The following ACBD6 variants were observed in gnomAD, a reference collection of about 807,000 sequenced individuals.
ACBD6 encodes the protein acyl-CoA binding domain containing 6, also known as acyl-CoA-binding domain-containing protein 6.
Under a neutral mutation model 37.2 loss-of-function variants are expected in ACBD6, and 28 were observed. That is an observed-to-expected ratio of 0.75 (90% CI 0.56 to 1.03). The LOEUF is 1.03. ACBD6 is among the 50% of genes least tolerant of loss of function. ACBD6 has a pLI of 0.00. For synonymous variants in ACBD6, 113 were observed against 126.8 expected (o/e 0.89, Z 0.73); for missense variants, 340 against 337.4 (o/e 1.01, Z -0.06).
intron 5 of ACBD6, among the ~76,000 whole-genome samples, chr1:180,402,084 TTG>T (rs1647396570): frequency 6.6e-6 from 1 of 152,170 alleles, no homozygotes; most frequent in Non-Finnish European, 1.5e-5. Context: ...CAATTTATAA[TTG>T]TAGTAGAGCT....
intron 3 of ACBD6, among the ~76,000 whole-genome samples, chr1:180,474,303 T>A (rs914633142): frequency 6.6e-6 from 1 of 152,150 alleles, no homozygotes; most frequent in Non-Finnish European, 1.5e-5. Context: ...ATGAGAGGTA[T>A]ATTAGAATAG....
intron 2 of ACBD6, 64 bp from the exon 3 acceptor site, chr1:180,492,429 A>G (rs933655827): frequency 5.4e-6 from 7 of 1,285,406 alleles, no homozygotes; most frequent in Non-Finnish European, 7.9e-6. Context: ...CATTTTTCTT[A>G]TTATTAAAAA....
At chr1:180,469,321 A>G (rs987443778) in intron 3 of ACBD6, among the ~76,000 whole-genome samples, 2 of 152,216 alleles carry the variant, frequency 1.3e-5, no homozygotes, top group Non-Finnish European at 2.9e-5. Context: ...GTAAAGCTGT[A>G]AAGTTAGTAA....
intron 7 of ACBD6, among the ~76,000 whole-genome samples, chr1:180,314,165 C>T (rs1309943088): frequency 6.6e-6 from 1 of 152,144 alleles, no homozygotes; most frequent in Non-Finnish European, 1.5e-5. Flanking sequence ...CTAGCACGGT[C>T]TCTATTTCTG....
intron 6 of ACBD6, among the ~76,000 whole-genome samples, chr1:180,389,199 T>G (rs1371717730): frequency 6.6e-6 from 1 of 152,194 alleles, no homozygotes; most frequent in Admixed American, 6.5e-5. Flanking sequence ...CCCCTTCCTG[T>G]GTCCATGCGT....
intron 1 of ACBD6, among the ~76,000 whole-genome samples, chr1:180,501,476 C>A (rs1403595111): frequency 6.6e-6 from 1 of 152,100 alleles, no homozygotes; most frequent in African/African-American, 2.4e-5. Flanking sequence ...TACAGGCATG[C>A]GCCACCACGC....
chr1:180,333,518 A>G (rs1651570064), intron 6 of ACBD6, among the ~76,000 whole-genome samples: 1 of 152,200 alleles, frequency 6.6e-6, no homozygotes, highest in African/African-American at 2.4e-5. Context: ...ATTTATGTAA[A>G]TATTTATCTG....
At chr1:180,344,682 G>A (rs138190818) in intron 6 of ACBD6, among the ~76,000 whole-genome samples, 10 of 152,028 alleles carry the variant, frequency 6.6e-5, no homozygotes, top group African/African-American at 2.4e-4. Context: ...ACCCTATTAT[G>A]TAAACACTAT....
chr1:180,357,521 T>A (rs1652674897), intron 6 of ACBD6, among the ~76,000 whole-genome samples: 1 of 152,210 alleles, frequency 6.6e-6, no homozygotes, highest in African/African-American at 2.4e-5. Flanking sequence ...GCTGCTGACA[T>A]TCATTCAGAT....
chr1:180,325,851 C>T (rs201444127), intron 6 of ACBD6, among the ~76,000 whole-genome samples: 1 of 152,210 alleles, frequency 6.6e-6, no homozygotes, highest in East Asian at 1.9e-4. Context: ...GACTCTTGTT[C>T]TCTTCCCTTA....
At chr1:180,366,763 G>A (rs568349168) in intron 6 of ACBD6, among the ~76,000 whole-genome samples, 1 of 152,300 alleles carries the variant, frequency 6.6e-6, no homozygotes, top group Non-Finnish European at 1.5e-5. Flanking sequence ...TGAATAAAAT[G>A]TCATCTACAT....
intron 7 of ACBD6, among the ~76,000 whole-genome samples, chr1:180,310,188 T>C (rs1650532450): frequency 1.3e-5 from 2 of 152,168 alleles, no homozygotes; most frequent in Admixed American, 1.3e-4. Context: ...GGCTAGATCC[T>C]GTCTCAACAA....
At chr1:180,434,486 T>A (rs56333717) in intron 3 of ACBD6, among the ~76,000 whole-genome samples, 8,307 of 152,280 alleles carry the variant, frequency 0.055, 274 homozygotes, top group South Asian at 0.089. Context: ...AAGATCTGAA[T>A]AGGAAACAAT....
chr1:180,289,099 G>C (rs923515834), intron 7 of ACBD6, among the ~76,000 whole-genome samples: 11 of 149,804 alleles, frequency 7.3e-5, no homozygotes, highest in Admixed American at 7.3e-4. Flanking sequence ...GTACAGGAAG[G>C]GGAAAAAAGG....
chr1:180,388,138 G>A (rs886752891), intron 6 of ACBD6, among the ~76,000 whole-genome samples: 2 of 149,502 alleles, frequency 1.3e-5, no homozygotes, highest in Admixed American at 6.7e-5. Context: ...ATCGCGCCAC[G>A]GCACTCCAGC....
At chr1:180,444,674 C>T (rs529615026) in intron 3 of ACBD6, among the ~76,000 whole-genome samples, 20 of 152,276 alleles carry the variant, frequency 1.3e-4, no homozygotes, top group Middle Eastern at 3.4e-3. Context: ...TTCCATTTCT[C>T]TCTACTCAAA....
intron 6 of ACBD6, among the ~76,000 whole-genome samples, chr1:180,335,403 G>A (rs911052855): frequency 4.6e-5 from 7 of 152,034 alleles, no homozygotes; most frequent in African/African-American, 7.2e-5. Flanking sequence ...TTCATATCCA[G>A]CCAAACTAAG....
At chr1:180,305,149 G>T (rs556380200) in intron 7 of ACBD6, among the ~76,000 whole-genome samples, 1 of 152,254 alleles carries the variant, frequency 6.6e-6, no homozygotes, top group East Asian at 1.9e-4. Context: ...AAAAACCCTA[G>T]ATTAAAACCT....
At chr1:180,375,334 G>A (rs964448141) in intron 6 of ACBD6, among the ~76,000 whole-genome samples, 11 of 151,944 alleles carry the variant, frequency 7.2e-5, no homozygotes, top group African/African-American at 2.7e-4. Context: ...TGAGGGAACA[G>A]ACTGTTTTTT....
Sources: gnomAD v4.1 joint callset for allele counts (sites outside exome capture counted in the v4.1 genomes callset) on GRCh38, gnomAD v4.1.1 for gene constraint, MANE v1.5 for transcripts, NCBI Gene and HGNC (gene_info 2026-07-23, HGNC 2026-07-21) for gene names.